Variants in NCAM1 observed in about 807,000 individuals in gnomAD.
NCAM1 encodes antigen recognized by monoclonal antibody 5.1H11.
Under a neutral mutation model 109.8 loss-of-function variants are expected in NCAM1, and 14 were observed. That is an observed-to-expected ratio of 0.13 (90% CI 0.08 to 0.20). The LOEUF (loss-of-function observed/expected upper bound fraction) is 0.20, where lower values mean the gene tolerates loss of function less well. Ranked by LOEUF, NCAM1 falls within the 10% of genes least tolerant of loss-of-function variation. The pLI is 1.00. For synonymous variants in NCAM1, 418 were observed against 442.9 expected, an observed-to-expected ratio of 0.94 and a Z score of 0.70; for missense variants, 774 against 1,109.9, an observed-to-expected ratio of 0.70 and a Z score of 4.30.
At chr11:113,264,647 T>A in intron 17 of NCAM1, 2 of 985,486 alleles carry the variant, frequency 2.0e-6, no homozygotes, top group South Asian at 9.4e-5. Context: ...CTCCCCCTGA[T>A]CCCAGGACCA....
Position 113,276,218 on chromosome 11 carries a change from T to G in NCAM1, c.*831T>G, listed in dbSNP as rs1457431519. ...TACCACCTAGAGGTAGGTAGGATCA[T>G]CCCACGCTTGCTTTAGCACAGGACA... is the stretch of plus-strand genomic sequence containing the variant. On this transcript the variant is annotated 3_prime_UTR_variant, in exon 20 of 20. Coordinates refer to ENST00000316851, the MANE Select transcript of NCAM1 (RefSeq NM_181351.5). The G allele has an allele frequency of 6.6e-6, 1 of 152,632 alleles. No individual in the cohort carries two copies. The highest frequency in any genetic ancestry group is 1.5e-5 in the Non-Finnish European group (1 of 68,042). The allele number at this position is 152,632 out of a possible 1,614,324, so 9.5% of individuals were successfully genotyped here.
intron 1 of NCAM1, among the ~76,000 whole-genome samples, chr11:113,089,979 T>C (rs564920661): frequency 2.0e-5 from 3 of 152,330 alleles, no homozygotes; most frequent in Admixed American, 6.5e-5. Context: ...TTCAACTTAA[T>C]ATTATGCAGA....
At chr11:113,202,238 CTT>C in intron 1 of NCAM1, 139 bp from the exon 2 acceptor site, 1 of 854,480 alleles carries the variant, frequency 1.2e-6, no homozygotes, top group Non-Finnish European at 1.8e-6. Context: ...TCCCTTCACT[CTT>C]TCTTAAAGTC....
intron 1 of NCAM1, among the ~76,000 whole-genome samples, chr11:113,044,814 C>T (rs1253759505): frequency 2.6e-5 from 4 of 152,006 alleles, no homozygotes; most frequent in African/African-American, 9.7e-5. Context: ...AGTGCAGTGG[C>T]GCGATCTCGG....
At chr11:113,091,191 A>AGC (rs1347783193) in intron 1 of NCAM1, among the ~76,000 whole-genome samples, 4 of 152,096 alleles carry the variant, frequency 2.6e-5, no homozygotes, top group African/African-American at 9.7e-5. Context: ...ACTGCTTCTC[A>AGC]AAAAGGTTAA....
At position 113,070,339 on chromosome 11, in the gene NCAM1, G is replaced by T. The variant is rs560835443; in HGVS notation, c.52+108675G>T. Among the ~76,000 whole-genome samples, 27 of 152,206 alleles carry T rather than the reference G, an allele frequency of 1.8e-4. No homozygotes were observed. In the South Asian group the frequency reaches 5.6e-3, roughly 32 times the overall value. Reference sequence around the variant, plus strand: ...AGGTGGGGAGTGTAGACAAAAGGTGGATGACAGTGCCTTTGGGATTAAAGG... The same window carrying T: ...AGGTGGGGAGTGTAGACAAAAGGTGTATGACAGTGCCTTTGGGATTAAAGG... On this transcript the variant is annotated intron_variant, in intron 1 of 19. Transcript: ENST00000316851.
intron 1 of NCAM1, among the ~76,000 whole-genome samples, chr11:113,143,650 G>A (rs1470092602): frequency 1.3e-5 from 2 of 152,168 alleles, no homozygotes; most frequent in Non-Finnish European, 2.9e-5. Context: ...AATTCTGCCA[G>A]GTAAGTAAAT....
At chr11:113,096,168 G>A (rs563553636) in intron 1 of NCAM1, among the ~76,000 whole-genome samples, 1 of 152,288 alleles carries the variant, frequency 6.6e-6, no homozygotes, top group African/African-American at 2.4e-5. Context: ...GACTGTGAGA[G>A]AAGTGGGCAC....
chr11:113,235,971 A>C (rs1945156396), intron 14 of NCAM1, among the ~76,000 whole-genome samples: 2 of 152,168 alleles, frequency 1.3e-5, no homozygotes, highest in Admixed American at 1.3e-4. Flanking sequence ...CCGTAGAACT[A>C]AATTTCTGAG....
At chr11:112,997,624 T>G (rs1367916046) in intron 1 of NCAM1, among the ~76,000 whole-genome samples, 1 of 152,180 alleles carries the variant, frequency 6.6e-6, no homozygotes, top group Non-Finnish European at 1.5e-5. Flanking sequence ...CGTTACCATA[T>G]GTAGCCCCCT....
intron 1 of NCAM1, among the ~76,000 whole-genome samples, chr11:113,115,292 GATA>G (rs1219097386): frequency 6.6e-6 from 1 of 152,120 alleles, no homozygotes; most frequent in Non-Finnish European, 1.5e-5. Flanking sequence ...GCTTTATTAT[GATA>G]ATATTACTAA....
chr11:113,214,471 C>G lies in NCAM1; in HGVS notation c.1019C>G (p.Thr340Ser), dbSNP rs781874490. 1.1e-5 allele frequency: 17 copies of G among 1,612,442 alleles called. No individual in the cohort carries two copies. Among genetic ancestry groups the G allele is most frequent in the Non-Finnish European group, 1.4e-5 (16 of 1,179,162 alleles). The change falls in exon 8 of 20, where the codon ACC (threonine) becomes AGC (serine). Residue 340 changes from threonine to serine, a missense_variant. By Grantham distance (58) the Thr-to-Ser change is moderately conservative (BLOSUM62 1). Coordinates refer to ENST00000316851, the MANE Select transcript of NCAM1 (RefSeq NM_181351.5). ...EASGDPIPSI[T>S]WRTSTRNISS... is the part of the protein sequence containing the mutation. ...TCCGGAGACCCCATTCCCTCCATCA[C>G]CTGGAGGACTTCTACCCGGAACATC...
intron 17 of NCAM1, chr11:113,262,940 A>G: frequency 6.2e-7 from 1 of 1,612,702 alleles, no homozygotes; most frequent in Non-Finnish European, 8.5e-7. Flanking sequence ...TTGAACACAA[A>G]AATTAAATTT....
chr11:113,262,703 C>T (rs1417640134), intron 17 of NCAM1: 6 of 873,972 alleles, frequency 6.9e-6, no homozygotes, highest in South Asian at 2.0e-5. Flanking sequence ...TCTGTCTCTA[C>T]CTTCCCTTTC....
rs1383301499 is a variant in NCAM1, at chr11:113,231,942, G to A, written c.1240+147G>A. Reference sequence around the variant, plus strand: ...TGACCCTGGGCTATTTCAGAGCTCTGTTCCCAAGCCACCCCCTACACACCA... The same window carrying A: ...TGACCCTGGGCTATTTCAGAGCTCTATTCCCAAGCCACCCCCTACACACCA... On this transcript the variant is annotated intron_variant, in intron 10 of 19. Transcript: ENST00000316851. 5.9e-6 allele frequency: 7 copies of A among 1,189,728 alleles called. No individual in the cohort carries two copies. In the South Asian group the frequency reaches 9.9e-5, roughly 17 times the overall value. The allele number at this position is 1,189,728 out of a possible 1,614,324, so 73.7% of individuals were successfully genotyped here.
intron 7 of NCAM1, among the ~76,000 whole-genome samples, chr11:113,211,058 C>T (rs1289448513): frequency 6.6e-6 from 1 of 152,216 alleles, no homozygotes; most frequent in African/African-American, 2.4e-5. Context: ...ATCTTCCCTT[C>T]TCATCCTCCT....
intron 1 of NCAM1, among the ~76,000 whole-genome samples, chr11:113,042,511 A>G (rs1198923442): frequency 6.6e-6 from 1 of 152,110 alleles, no homozygotes; most frequent in Non-Finnish European, 1.5e-5. Context: ...GGTGTTCTTG[A>G]AAGCCCTCCT....
chr11:113,196,770 C>T (rs772503891), intron 1 of NCAM1, among the ~76,000 whole-genome samples: 2 of 152,200 alleles, frequency 1.3e-5, no homozygotes, highest in Non-Finnish European at 2.9e-5. Context: ...TGACCACATT[C>T]GTTTCCTATT....
intron 1 of NCAM1, among the ~76,000 whole-genome samples, chr11:112,985,456 G>C (rs1043532189): frequency 6.6e-6 from 1 of 151,808 alleles, no homozygotes; most frequent in Non-Finnish European, 1.5e-5. Flanking sequence ...GATAGTGATT[G>C]CATTGAATCT....
Sources: gnomAD v4.1 joint callset for allele counts (sites outside exome capture counted in the v4.1 genomes callset) on GRCh38, gnomAD v4.1.1 for gene constraint, MANE v1.5 for transcripts, NCBI Gene and HGNC (gene_info 2026-07-23, HGNC 2026-07-21) for gene names.